The following PCDHA10 variants were observed in gnomAD, a reference collection of about 807,000 sequenced individuals.
The protein encoded by PCDHA10 is protocadherin alpha-10.
PCDHA10 carries 45 observed loss-of-function variants against 61.2 expected under a neutral mutation model. That is an observed-to-expected ratio of 0.74 (90% CI 0.58 to 0.94). The LOEUF (loss-of-function observed/expected upper bound fraction) is 0.94, where lower values mean the gene tolerates loss of function less well. PCDHA10 is among the 40% of genes least tolerant of loss of function. PCDHA10 has a pLI of 0.00. For synonymous variants in PCDHA10, 602 were observed against 548.8 expected (o/e 1.10, Z -1.35); for missense variants, 1,278 against 1,236.2 (o/e 1.03, Z -0.51).
rs144072974 is a variant in PCDHA10 at position 140,938,897 on chromosome 5, G to GCA, written c.2389-40040_2389-40039dup. 1.4e-3 allele frequency among the ~76,000 whole-genome samples: 215 copies of GCA among 151,312 alleles called. 3 individuals carry two copies. The East Asian group carries it at 0.032, about 22-fold the overall frequency. Reference sequence around the variant, plus strand: ...AAGCAACACACACACACACAGATGCGCACACACACACACGCACAAGAAATT... The same window carrying GCA: ...AAGCAACACACACACACACAGATGCGCACACACACACACACGCACAAGAAATT... On this transcript the variant is annotated intron_variant, in intron 1 of 3. Coordinates refer to ENST00000307360, the MANE Select transcript of PCDHA10 (RefSeq NM_018901.4).
At position 140,944,281 on chromosome 5, in the gene PCDHA10, G is replaced by A. The variant is rs987563636; in HGVS notation, c.2389-34668G>A. ...CTGCTCACTGCAGCCTTGACACCCC[G>A]GGCTCAAGCGATCCTCCTACCTCAG... On this transcript the variant is annotated intron_variant, in intron 1 of 3. Coordinates refer to ENST00000307360, the MANE Select transcript of PCDHA10 (RefSeq NM_018901.4). Among the ~76,000 whole-genome samples, 18 of 152,138 alleles carry A rather than the reference G, an allele frequency of 1.2e-4. No individual in the cohort carries two copies. The Middle Eastern group carries it at 0.014, about 115-fold the overall frequency.
intron 1 of PCDHA10, among the ~76,000 whole-genome samples, chr5:140,912,933 C>T (rs1433213824): frequency 6.6e-6 from 1 of 152,070 alleles, no homozygotes; most frequent in African/African-American, 2.4e-5. Context: ...TTGAATCATC[C>T]TTGTATCCCT....
intron 1 of PCDHA10, among the ~76,000 whole-genome samples, chr5:140,919,626 T>C (rs1554199177): frequency 6.6e-6 from 1 of 152,244 alleles, no homozygotes. Flanking sequence ...TTTTGAGTTA[T>C]TTTCACAGTA....
At chr5:140,917,324 C>CGGGGGGGGG (rs1299895515) in intron 1 of PCDHA10, among the ~76,000 whole-genome samples, 1 of 76,048 alleles carries the variant, frequency 1.3e-5, no homozygotes, top group Non-Finnish European at 2.9e-5. Context: ...GTTCATGTGG[C>CGGGGGGGGG]GGGGGAGGGG....
At position 140,969,258 on chromosome 5, in the gene PCDHA10, A is replaced by T. The variant is rs782513796; in HGVS notation, c.2389-9691A>T. ...CAAGCAGCAGTGACTGACAGCAGGA[A>T]TCTCACAGGCCAAAGTGGTCAGAAT... On this transcript the variant is annotated intron_variant, in intron 1 of 3. Transcript: ENST00000307360. The T allele has an allele frequency of 3.7e-6, 6 of 1,614,106 alleles. No homozygotes were observed. The East Asian group carries it at 1.3e-4, about 36-fold the overall frequency.
At chr5:140,937,824 A>G (rs1229119616) in intron 1 of PCDHA10, among the ~76,000 whole-genome samples, 1 of 151,696 alleles carries the variant, frequency 6.6e-6, no homozygotes, top group African/African-American at 2.4e-5. Context: ...AGGCAGGAGA[A>G]TGGCATGAAC....
intron 1 of PCDHA10, chr5:140,877,144 G>A (rs543806401): frequency 1.9e-6 from 3 of 1,613,772 alleles, no homozygotes; most frequent in South Asian, 2.2e-5. Context: ...CGTGCTGGAC[G>A]AGAACGACAA....
intron 3 of PCDHA10, among the ~76,000 whole-genome samples, chr5:140,995,110 C>T (rs1047046754): frequency 4.6e-5 from 7 of 152,198 alleles, no homozygotes; most frequent in Non-Finnish European, 7.3e-5. Flanking sequence ...TTCCAAGACC[C>T]TCAGTGGATG....
At chr5:140,950,043 A>T (rs1011500100) in intron 1 of PCDHA10, among the ~76,000 whole-genome samples, 1 of 151,950 alleles carries the variant, frequency 6.6e-6, no homozygotes, top group Non-Finnish European at 1.5e-5. Flanking sequence ...TTACAACCAT[A>T]TAAGACTATT....
intron 1 of PCDHA10, among the ~76,000 whole-genome samples, chr5:140,977,323 G>A (rs542392962): frequency 1.3e-5 from 2 of 152,324 alleles, no homozygotes; most frequent in Non-Finnish European, 1.5e-5. Context: ...GCTCCTGATG[G>A]CGAGGGGAGA....
intron 1 of PCDHA10, among the ~76,000 whole-genome samples, chr5:140,897,278 A>C (rs993702418): frequency 1.1e-4 from 16 of 151,088 alleles, no homozygotes; most frequent in Non-Finnish European, 1.8e-4. Context: ...GGTGTGCTGC[A>C]CCCATTAACT....
chr5:140,923,468 G>A (rs2081380588), intron 1 of PCDHA10, among the ~76,000 whole-genome samples: 1 of 152,098 alleles, frequency 6.6e-6, no homozygotes, highest in Admixed American at 6.5e-5. Context: ...GGTAGGGGCT[G>A]CAGTGAGCCA....
intron 1 of PCDHA10, among the ~76,000 whole-genome samples, chr5:140,871,854 A>C (rs1271399215): frequency 6.6e-6 from 1 of 152,254 alleles, no homozygotes; most frequent in African/African-American, 2.4e-5. Context: ...TATGACCATA[A>C]TAACTATGGA....
chr5:140,929,033 G>A (rs2085746479), intron 1 of PCDHA10: 1 of 1,614,186 alleles, frequency 6.2e-7, no homozygotes, highest in Non-Finnish European at 8.5e-7. Flanking sequence ...CCAGGCTGTT[G>A]CGCTCAGAGC....
At chr5:140,881,574 A>C (rs565640252) in intron 1 of PCDHA10, among the ~76,000 whole-genome samples, 22 of 152,364 alleles carry the variant, frequency 1.4e-4, no homozygotes, top group Middle Eastern at 6.8e-3. Context: ...CTACATCTCA[A>C]GTCACATTGA....
intron 1 of PCDHA10, among the ~76,000 whole-genome samples, chr5:140,914,744 T>C (rs989394283): frequency 6.6e-6 from 1 of 152,280 alleles, no homozygotes; most frequent in Non-Finnish European, 1.5e-5. Context: ...TGTATGTTTT[T>C]CCATTTGAGG....
intron 1 of PCDHA10, chr5:140,871,599 T>G: frequency 1.4e-6 from 2 of 1,447,906 alleles, no homozygotes; most frequent in Non-Finnish European, 1.8e-6. Flanking sequence ...GAATAACCAG[T>G]GTTTTGAATA....
rs1336398509 is a variant in PCDHA10 at position 140,898,765 on chromosome 5, G to A, written c.2388+40329G>A. On this transcript the variant is annotated intron_variant, in intron 1 of 3. Transcript: ENST00000307360. ...GCTTGATGGGGATGGCATTGAATCT[G>A]TAAATTACCTTGGGCAGTATGGCCA... 8.0e-3 allele frequency among the ~76,000 whole-genome samples: 1,218 copies of A among 151,752 alleles called. 6 individuals are homozygous for A. The highest frequency in any genetic ancestry group is 0.019 in the African/African-American group (786 of 41,220).
intron 1 of PCDHA10, among the ~76,000 whole-genome samples, chr5:140,880,402 G>A (rs1014801012): frequency 3.9e-5 from 6 of 152,182 alleles, no homozygotes; most frequent in Non-Finnish European, 8.8e-5. Context: ...AGAGCATATG[G>A]TTGACCTTAA....
Sources: allele counts gnomAD v4.1 joint callset (sites outside exome capture counted in the v4.1 genomes callset), GRCh38; gene constraint gnomAD v4.1.1; transcripts MANE v1.5; gene names NCBI Gene and HGNC (gene_info 2026-07-23, HGNC 2026-07-21).